Variants in YAE1 observed in about 807,000 individuals in gnomAD.
YAE1 encodes the protein YAE1 maturation factor of ABCE1.
YAE1 carries 22 observed loss-of-function variants against 23.0 expected under a neutral mutation model. The ratio of observed to expected loss-of-function variants is 0.96; its 90% CI spans 0.68 to 1.37. The LOEUF (loss-of-function observed/expected upper bound fraction) is 1.37. Ranked by LOEUF, YAE1 falls within the 40% of genes most tolerant of loss-of-function variation. YAE1 has a pLI of 0.00. For missense variants in YAE1, 260 were observed against 262.1 expected (o/e 0.99, Z 0.06); for synonymous variants, 101 against 97.0 (o/e 1.04, Z -0.24).
At chr7:39,581,694 A>G (rs1790744432) in intron 2 of YAE1, among the ~76,000 whole-genome samples, 1 of 151,950 alleles carries the variant, frequency 6.6e-6, no homozygotes, top group Admixed American at 6.6e-5. Flanking sequence ...AAACATAGGG[A>G]GACCGCATCT....
At chr7:39,607,813 C>T (rs1583687447) in intron 2 of YAE1, among the ~76,000 whole-genome samples, 1 of 152,088 alleles carries the variant, frequency 6.6e-6, no homozygotes, top group Non-Finnish European at 1.5e-5. Context: ...GGACTACAGG[C>T]GTGTGCCACC....
At chr7:39,605,890 T>C (rs1315661021) in intron 2 of YAE1, among the ~76,000 whole-genome samples, 4 of 152,224 alleles carry the variant, frequency 2.6e-5, no homozygotes, top group Admixed American at 2.0e-4. Context: ...ACTAGAATTA[T>C]GGTTCTACTT....
At chr7:39,586,153 CCT>C in intron 2 of YAE1, among the ~76,000 whole-genome samples, 1 of 151,532 alleles carries the variant, frequency 6.6e-6, no homozygotes, top group East Asian at 1.9e-4. Flanking sequence ...ATAACTACCA[CCT>C]CTTTTTCTTC....
rs536888338 is a variant in YAE1 at position 39,566,766 on chromosome 7, A to C, written c.129+219A>C. ...TTGAGCGCCTACGGGATGCGTTAGAAACTGAGGACCGACCAAAATTAACTA... is the reference window on the plus strand; with the variant it reads ...TTGAGCGCCTACGGGATGCGTTAGACACTGAGGACCGACCAAAATTAACTA... On this transcript the variant is annotated intron_variant, in intron 1 of 2. Transcript: ENST00000223273. The C allele has an allele frequency of 4.8e-4, 270 of 565,082 alleles. 1 individual carries two copies. The highest frequency in any genetic ancestry group is 4.8e-3 in the African/African-American group (250 of 52,414). The allele number at this position is 565,082 out of a possible 1,614,324, so 35.0% of individuals were successfully genotyped here. A position where few individuals can be genotyped will look rare whatever the true frequency, so the allele number is the denominator to read the frequency against.
chr7:39,587,335 G>A (rs1583676784), intron 2 of YAE1, among the ~76,000 whole-genome samples: 1 of 151,728 alleles, frequency 6.6e-6, no homozygotes, highest in East Asian at 1.9e-4. Context: ...GGGATTACAG[G>A]CTGTTGCTCC....
intron 2 of YAE1, among the ~76,000 whole-genome samples, chr7:39,602,191 G>A (rs1209125404): frequency 1.3e-5 from 2 of 152,196 alleles, no homozygotes; most frequent in African/African-American, 4.8e-5. Context: ...AAACTTAAGA[G>A]AACATCTGGT....
intron 2 of YAE1, among the ~76,000 whole-genome samples, chr7:39,584,473 G>A (rs1458105491): frequency 6.6e-6 from 1 of 152,050 alleles, no homozygotes; most frequent in Non-Finnish European, 1.5e-5. Flanking sequence ...ATCAAAGCCT[G>A]TAATTAACTA....
At chr7:39,571,912 G>T (rs1006425296) in intron 2 of YAE1, among the ~76,000 whole-genome samples, 2 of 152,146 alleles carry the variant, frequency 1.3e-5, no homozygotes, top group African/African-American at 4.8e-5. Flanking sequence ...TTAAAAAAAA[G>T]ATACCCCCTG....
chr7:39,595,849 A>C (rs1363459816), intron 2 of YAE1, among the ~76,000 whole-genome samples: 3 of 152,216 alleles, frequency 2.0e-5, no homozygotes, highest in Non-Finnish European at 4.4e-5. Context: ...ACTCATTTGG[A>C]AGCTGTCCTT....
Position 39,566,447 on chromosome 7 carries a change from T to TC in YAE1, c.31dup (p.Gln11ProfsTer11). ...TCGTGGGTTCAAGCAGCCTCCTTGA[T>TC]CCAGGGCCCTGGAGACAAAGGGGAC... is the stretch of plus-strand genomic sequence containing the variant. On this transcript the variant is annotated frameshift_variant, in exon 1 of 3. Coordinates refer to ENST00000223273, the MANE Select transcript of YAE1 (RefSeq NM_020192.5). LOFTEE classifies it high-confidence loss of function. 6.2e-7 allele frequency: 1 copy of TC among 1,614,072 alleles called. No homozygotes were observed. The highest frequency in any genetic ancestry group is 8.5e-7 in the Non-Finnish European group (1 of 1,179,996).
chr7:39,570,454 C>G, intron 1 of YAE1, 52 bp from the exon 2 acceptor site: 5 of 1,589,406 alleles, frequency 3.1e-6, no homozygotes, highest in Non-Finnish European at 4.3e-6. Context: ...TCTAGAAAAG[C>G]CTACATGTAT....
chr7:39,592,972 C>T (rs1790921087), intron 2 of YAE1, among the ~76,000 whole-genome samples: 1 of 152,034 alleles, frequency 6.6e-6, no homozygotes, highest in Non-Finnish European at 1.5e-5. Flanking sequence ...CCTCTTAATG[C>T]TGTTTAACAA....
intron 2 of YAE1, among the ~76,000 whole-genome samples, chr7:39,597,100 T>C (rs973163961): frequency 2.0e-5 from 3 of 152,258 alleles, no homozygotes; most frequent in Non-Finnish European, 4.4e-5. Context: ...GCTTGTCCCT[T>C]AAAGGAAATC....
chr7:39,596,382 C>T (rs1243293173), intron 2 of YAE1, among the ~76,000 whole-genome samples: 2 of 151,892 alleles, frequency 1.3e-5, no homozygotes, highest in East Asian at 1.9e-4. Flanking sequence ...GGATTACAGG[C>T]GCCCGTCACC....
chr7:39,600,237 G>A (rs1791036624), intron 2 of YAE1, among the ~76,000 whole-genome samples: 1 of 152,160 alleles, frequency 6.6e-6, no homozygotes, highest in African/African-American at 2.4e-5. Flanking sequence ...ATTGTGTCCT[G>A]TCAAATTCCC....
chr7:39,569,808 T>C, intron 1 of YAE1: 1 of 781,162 alleles, frequency 1.3e-6, no homozygotes, highest in Non-Finnish European at 2.4e-6. Context: ...ACTCTTCCAC[T>C]CTTTATCACT....
chr7:39,602,735 TTTGTTTGTTTG>T (rs1791070689), intron 2 of YAE1, among the ~76,000 whole-genome samples: 3 of 2,706 alleles, frequency 1.1e-3, no homozygotes, highest in South Asian at 0.045. Flanking sequence ...TGGTTTTTTG[TTTGTTTGTTTG>T]TTTGTTTGTT....
downstream of YAE1, among the ~76,000 whole-genome samples, chr7:39,574,905 TAAAAACATG>T: frequency 6.6e-6 from 1 of 152,140 alleles, no homozygotes; most frequent in East Asian, 1.9e-4. Context: ...ACCCTGTCTC[TAAAAACATG>T]AAATACAGAA....
chr7:39,579,962 C>G (rs1176202556), intron 2 of YAE1, among the ~76,000 whole-genome samples: 3 of 151,920 alleles, frequency 2.0e-5, no homozygotes, highest in Non-Finnish European at 4.4e-5. Flanking sequence ...GGAGGATCAC[C>G]TGAGCCCAGG....
Sources: allele counts gnomAD v4.1 joint callset (sites outside exome capture counted in the v4.1 genomes callset), GRCh38; gene constraint gnomAD v4.1.1; transcripts MANE v1.5; gene names NCBI Gene and HGNC (gene_info 2026-07-23, HGNC 2026-07-21).